Variants in ALDH1A1 observed in about 807,000 individuals in gnomAD.
The protein encoded by ALDH1A1 is aldehyde dehydrogenase 1 family member A1.
In ALDH1A1, 19 loss-of-function variants were observed where a neutral mutation model predicts 62.1. The observed-to-expected ratio is 0.31, with a 90% CI of 0.21 to 0.45. ALDH1A1 has a LOEUF of 0.45. Ranked by LOEUF, ALDH1A1 falls within the 20% of genes least tolerant of loss-of-function variation. The pLI is 1.00. For synonymous variants in ALDH1A1, 231 were observed against 215.9 expected (o/e 1.07, Z -0.61); for missense variants, 521 against 607.1 (o/e 0.86, Z 1.49).
At chr9:72,925,358 G>T in intron 6 of ALDH1A1, 126 bp downstream of exon 6, 2 of 1,092,102 alleles carry the variant, frequency 1.8e-6, no homozygotes, top group Non-Finnish European at 2.5e-6. Flanking sequence ...CATGCTAAAT[G>T]TATTCCCCCC....
At chr9:72,931,778 G>A (rs578248976) in intron 2 of ALDH1A1, among the ~76,000 whole-genome samples, 2 of 152,196 alleles carry the variant, frequency 1.3e-5, no homozygotes, top group East Asian at 3.9e-4. Flanking sequence ...TTCCCAACTG[G>A]GTACAAAGAG....
In ALDH1A1 at chr9:72,911,944, A is replaced by G. The variant is rs772537628; in HGVS notation, c.1200+14T>C. On this transcript the variant is annotated intron_variant, in intron 10 of 12. Coordinates refer to ENST00000297785, the MANE Select transcript of ALDH1A1 (RefSeq NM_000689.5). Reference sequence around the variant, plus strand: ...ATGGCAACAAAAAGAACAGAACAGAATGAAGCCATTTACCTCCTCTTTGGC... The same window carrying G: ...ATGGCAACAAAAAGAACAGAACAGAGTGAAGCCATTTACCTCCTCTTTGGC... 5 of 1,613,786 alleles carry G rather than the reference A, an allele frequency of 3.1e-6. No homozygotes were observed. Among genetic ancestry groups the G allele is most frequent in the Non-Finnish European group, 4.2e-6 (5 of 1,179,734 alleles).
intron 1 of ALDH1A1, among the ~76,000 whole-genome samples, chr9:72,949,320 T>C (rs1293536166): frequency 6.6e-6 from 1 of 151,868 alleles, no homozygotes; most frequent in Non-Finnish European, 1.5e-5. Flanking sequence ...ACCATGGTAA[T>C]CAGCAATGGG....
At chr9:72,916,064 C>T (rs1830058911) in intron 9 of ALDH1A1, among the ~76,000 whole-genome samples, 1 of 152,118 alleles carries the variant, frequency 6.6e-6, no homozygotes, top group South Asian at 2.1e-4. Context: ...CTGTCCTGGT[C>T]ACTGCAAGAT....
intron 6 of ALDH1A1, 34 bp from the exon 7 acceptor site, chr9:72,924,166 A>C (rs1279863827): frequency 4.1e-6 from 6 of 1,463,698 alleles, no homozygotes; most frequent in Non-Finnish European, 5.7e-6. Context: ...TTACAGTATA[A>C]GAATTTAATT....
intron 6 of ALDH1A1, 151 bp from the exon 7 acceptor site, chr9:72,924,283 A>G (rs1830178939): frequency 1.7e-6 from 1 of 571,704 alleles, no homozygotes; most frequent in Admixed American, 3.4e-5. Flanking sequence ...TAGTCTTATT[A>G]TGTCATTTCT....
At chr9:72,910,266 A>G (rs1047721240) in intron 10 of ALDH1A1, among the ~76,000 whole-genome samples, 4 of 152,174 alleles carry the variant, frequency 2.6e-5, no homozygotes, top group Admixed American at 6.5e-5. Context: ...AATATTAACT[A>G]TTCTACTGTA....
chr9:72,944,269 C>T (rs1211640661), intron 1 of ALDH1A1, among the ~76,000 whole-genome samples: 1 of 152,062 alleles, frequency 6.6e-6, no homozygotes, highest in East Asian at 1.9e-4. Context: ...ATCATAAGGT[C>T]ACAGGCTTTT....
chr9:72,951,905 C>T (rs1018098171), intron 1 of ALDH1A1, among the ~76,000 whole-genome samples: 1 of 151,952 alleles, frequency 6.6e-6, no homozygotes, highest in Non-Finnish European at 1.5e-5. Flanking sequence ...GAGCAACTTC[C>T]TCATTTGTTG....
In ALDH1A1 at chr9:72,917,108, CGAA is replaced by C; in HGVS notation, c.851-7_851-5del. ...GCAAATTCAACAGCATTGTCCACTG[CGAA>C]GAAGACATTCACATTAAAGATATAT... On this transcript the variant is annotated splice_region_variant and splice_polypyrimidine_tract_variant and intron_variant, in intron 8 of 12. Coordinates refer to ENST00000297785, the MANE Select transcript of ALDH1A1 (RefSeq NM_000689.5). The C allele has an allele frequency of 6.6e-7, 1 of 1,517,700 alleles. No individual in the cohort carries two copies. Among genetic ancestry groups the C allele is most frequent in the South Asian group, 1.4e-5 (1 of 71,174 alleles). 94.0% of individuals were successfully genotyped at this position (1,517,700 alleles called of 1,614,324 possible).
At chr9:72,941,309 C>T (rs1245866100) in intron 1 of ALDH1A1, among the ~76,000 whole-genome samples, 2 of 152,086 alleles carry the variant, frequency 1.3e-5, no homozygotes, top group African/African-American at 2.4e-5. Flanking sequence ...TTTAAATTAG[C>T]TACTATGCTA....
intron 2 of ALDH1A1, among the ~76,000 whole-genome samples, chr9:72,934,215 A>C (rs1190785088): frequency 6.6e-6 from 1 of 152,134 alleles, no homozygotes; most frequent in African/African-American, 2.4e-5. Flanking sequence ...CAGGGATTAT[A>C]GGTGTGTATT....
rs1426580660 is a variant in ALDH1A1 at position 72,905,663 on chromosome 9, A to C, written c.1433+295T>G. Among the ~76,000 whole-genome samples the C allele has an allele frequency of 2.6e-5, 4 of 152,296 alleles. No individual in the cohort carries two copies. In the East Asian group the frequency reaches 7.7e-4, roughly 29 times the overall value. The stretch of plus-strand genomic sequence containing the variant: ...TGGAAATGTTTCCCAAATGGATTAC[A>C]TTCATATATATAGCAAGCAATTCTA... On this transcript the variant is annotated intron_variant, in intron 12 of 12. Coordinates refer to ENST00000297785, the MANE Select transcript of ALDH1A1 (RefSeq NM_000689.5).
At chr9:72,940,063 G>T (rs1830398003) in intron 2 of ALDH1A1, 85 bp downstream of exon 2, 41 of 930,542 alleles carry the variant, frequency 4.4e-5, no homozygotes, top group South Asian at 1.1e-4. Context: ...CATGTCTTTT[G>T]GAGCTTGCAA....
chr9:72,926,660 G>T (rs1830214640), intron 5 of ALDH1A1, among the ~76,000 whole-genome samples: 1 of 152,170 alleles, frequency 6.6e-6, no homozygotes, highest in African/African-American at 2.4e-5. Context: ...TGTGTGTCAT[G>T]AGTTGAACAC....
chr9:72,925,869 C>T (rs1385713939), intron 5 of ALDH1A1, among the ~76,000 whole-genome samples: 1 of 151,450 alleles, frequency 6.6e-6, no homozygotes. Flanking sequence ...TCTTTTTCTA[C>T]CAGGAAAAAA....
intron 3 of ALDH1A1, 98 bp downstream of exon 3, chr9:72,930,781 G>A (rs965208942): frequency 2.1e-6 from 3 of 1,431,232 alleles, no homozygotes; most frequent in African/African-American, 1.4e-5. Flanking sequence ...TGTTTGTAGA[G>A]AGCATATAGT....
chr9:72,930,806 AAAC>A (rs1830271247), intron 3 of ALDH1A1, 70 bp downstream of exon 3: 1 of 1,588,204 alleles, frequency 6.3e-7, no homozygotes, highest in South Asian at 1.1e-5. Flanking sequence ...CCTAAAATCA[AAAC>A]AACTTGCCAT....
chr9:72,952,843 T>C, intron 1 of ALDH1A1, 92 bp downstream of exon 1: 2 of 1,446,874 alleles, frequency 1.4e-6, no homozygotes, highest in Non-Finnish European at 1.9e-6. Context: ...AAGGGCTCTT[T>C]ACACAAGTTT....
Sources: allele counts gnomAD v4.1 joint callset (sites outside exome capture counted in the v4.1 genomes callset), GRCh38; gene constraint gnomAD v4.1.1; transcripts MANE v1.5; gene names NCBI Gene and HGNC (gene_info 2026-07-23, HGNC 2026-07-21).